The following SFI1 variants were observed in gnomAD, a reference collection of about 807,000 sequenced individuals.
SFI1 encodes SFI1 centrin binding protein.
In SFI1, 195 loss-of-function variants were observed where a neutral mutation model predicts 207.5. That is an observed-to-expected ratio of 0.94 (90% CI 0.84 to 1.06). SFI1 has a LOEUF of 1.06. Ranked by LOEUF, SFI1 falls within the 50% of genes least tolerant of loss-of-function variation. The pLI is 0.00. For missense variants in SFI1, 1,634 were observed against 1,588.0 expected (o/e 1.03, Z -0.49); for synonymous variants, 630 against 598.9 (o/e 1.05, Z -0.76).
chr22:31,556,766 C>T (rs994979751), intron 6 of SFI1, among the ~76,000 whole-genome samples, 176 bp from the exon 7 acceptor site: 1 of 152,146 alleles, frequency 6.6e-6, no homozygotes, highest in South Asian at 2.1e-4. Context: ...TGCACAGAGC[C>T]TTCATGTGTT....
At chr22:31,541,998 G>A (rs1031688751) in intron 4 of SFI1, among the ~76,000 whole-genome samples, 1 of 150,954 alleles carries the variant, frequency 6.6e-6, no homozygotes, top group Admixed American at 6.6e-5. Context: ...CTACTCCGGA[G>A]GCTGAGGAAG....
In SFI1 at chr22:31,570,065, C is replaced by T. The variant is rs189621917; in HGVS notation, c.766-2993C>T. ...CCAGGAGGTTGAGGCTGCAGTGAGC[C>T]GTATTCTTGCCATTGCACTTCAGTC... is the stretch of plus-strand genomic sequence containing the variant. On this transcript the variant is annotated intron_variant, in intron 8 of 32. Transcript: ENST00000400288. Among the ~76,000 whole-genome samples the T allele has an allele frequency of 3.7e-4, 56 of 151,772 alleles. 1 individual carries two copies. In the East Asian group the frequency reaches 6.8e-3, roughly 18 times the overall value.
Position 31,516,784 on chromosome 22 carries a change from G to A in SFI1, c.92+8408G>A, listed in dbSNP as rs186487614. Among the ~76,000 whole-genome samples, 63 of 151,572 alleles carry A rather than the reference G, an allele frequency of 4.2e-4. 1 individual carries two copies. The highest frequency in any genetic ancestry group is 1.4e-3 in the African/African-American group (59 of 41,292). On this transcript the variant is annotated intron_variant, in intron 2 of 32. Coordinates refer to ENST00000400288, the MANE Select transcript of SFI1 (RefSeq NM_001007467.3). Reference sequence around the variant, plus strand: ...AGCCTGACCAACATGGAGAAACCCCGTCTCTACTAAAAATACAAAATTTGC... The same window carrying A: ...AGCCTGACCAACATGGAGAAACCCCATCTCTACTAAAAATACAAAATTTGC...
At chr22:31,595,570 T>C (rs950905455) in intron 15 of SFI1, among the ~76,000 whole-genome samples, 1 of 152,202 alleles carries the variant, frequency 6.6e-6, no homozygotes, top group African/African-American at 2.4e-5. Context: ...TTGATGACTT[T>C]GTAGGAGGGT....
chr22:31,512,009 T>C (rs1202318860), intron 2 of SFI1, among the ~76,000 whole-genome samples: 2 of 152,104 alleles, frequency 1.3e-5, no homozygotes, highest in Non-Finnish European at 2.9e-5. Context: ...GTTTAAGATA[T>C]CATTTTGAAA....
intron 15 of SFI1, among the ~76,000 whole-genome samples, chr22:31,601,309 G>C (rs532000173): frequency 6.6e-6 from 1 of 152,052 alleles, no homozygotes; most frequent in East Asian, 1.9e-4. Flanking sequence ...ATTTTTAGTA[G>C]AGATGGGGTT....
intron 6 of SFI1, among the ~76,000 whole-genome samples, chr22:31,553,553 A>G (rs1247041452): frequency 2.1e-5 from 2 of 97,326 alleles, no homozygotes; most frequent in South Asian, 3.0e-4. Context: ...TTTTTTTTTC[A>G]GTAGAGACAG....
At chr22:31,542,115 A>G (rs1003475834) in intron 4 of SFI1, among the ~76,000 whole-genome samples, 1 of 150,222 alleles carries the variant, frequency 6.7e-6, no homozygotes, top group Non-Finnish European at 1.5e-5. Context: ...AAAAAAAAAA[A>G]AAAAAGAAAT....
intron 2 of SFI1, among the ~76,000 whole-genome samples, chr22:31,518,680 A>C (rs942342479): frequency 6.6e-6 from 1 of 152,154 alleles, no homozygotes; most frequent in South Asian, 2.1e-4. Flanking sequence ...GGTGTCTGGA[A>C]ACTTAGATTT....
At chr22:31,603,424 G>A (rs2068449667) in intron 17 of SFI1, among the ~76,000 whole-genome samples, 1 of 152,082 alleles carries the variant, frequency 6.6e-6, no homozygotes, top group South Asian at 2.1e-4. Flanking sequence ...CCTGCTTTGG[G>A]GCCTTTCAGT....
chr22:31,541,760 A>AG (rs1217484615), intron 4 of SFI1, among the ~76,000 whole-genome samples: 6 of 151,264 alleles, frequency 4.0e-5, no homozygotes, highest in African/African-American at 1.5e-4. Context: ...AAAAAAAAAA[A>AG]AAAGAATTGT....
intron 15 of SFI1, among the ~76,000 whole-genome samples, chr22:31,593,181 C>T (rs1046309144): frequency 8.0e-5 from 12 of 149,650 alleles, no homozygotes; most frequent in Non-Finnish European, 1.3e-4. Context: ...CGGGCGGAGA[C>T]GCTCCTCACC....
At chr22:31,509,716 A>T (rs1242581069) in intron 2 of SFI1, among the ~76,000 whole-genome samples, 1 of 152,088 alleles carries the variant, frequency 6.6e-6, no homozygotes, top group Non-Finnish European at 1.5e-5. Flanking sequence ...TAACCATCAC[A>T]GTGGTTTTTA....
At chr22:31,564,059 G>T (rs1377120232) in intron 8 of SFI1, among the ~76,000 whole-genome samples, 7 of 151,744 alleles carry the variant, frequency 4.6e-5, no homozygotes, top group African/African-American at 1.5e-4. Context: ...CAGGCGCGGT[G>T]GCTCACACCT....
intron 4 of SFI1, among the ~76,000 whole-genome samples, chr22:31,539,772 A>G (rs918327736): frequency 1.3e-5 from 2 of 151,854 alleles, no homozygotes; most frequent in Non-Finnish European, 2.9e-5. Flanking sequence ...CTAGAGTGCA[A>G]TGGCATAATC....
At chr22:31,519,092 T>C (rs566182928) in intron 2 of SFI1, among the ~76,000 whole-genome samples, 1 of 152,260 alleles carries the variant, frequency 6.6e-6, no homozygotes, top group Admixed American at 6.5e-5. Context: ...AGTTAGCAAA[T>C]ACGTTGTAAT....
intron 31 of SFI1, 58 bp from the exon 32 acceptor site, chr22:31,618,057 C>T (rs955418457): frequency 4.4e-5 from 66 of 1,513,218 alleles, no homozygotes; most frequent in East Asian, 9.8e-5. Flanking sequence ...CTCCCTGAGC[C>T]GGATGGGGCT....
intron 11 of SFI1, 62 bp downstream of exon 11, chr22:31,578,514 G>A: frequency 6.6e-7 from 1 of 1,522,142 alleles, no homozygotes; most frequent in Non-Finnish European, 9.0e-7. Flanking sequence ...TCCACTCTTG[G>A]GGGACCCTGA....
chr22:31,541,490 C>T (rs12484606), intron 4 of SFI1, among the ~76,000 whole-genome samples: 103,675 of 151,976 alleles, frequency 0.68, 35,688 homozygotes, highest in Non-Finnish European at 0.73. Flanking sequence ...GGCGTGGTTG[C>T]TTGCGCCTGT....
Sources: gnomAD v4.1 joint callset for allele counts (sites outside exome capture counted in the v4.1 genomes callset) on GRCh38, gnomAD v4.1.1 for gene constraint, MANE v1.5 for transcripts, NCBI Gene and HGNC (gene_info 2026-07-23, HGNC 2026-07-21) for gene names.